Variants in SH3GL3 observed in about 807,000 individuals in gnomAD.
The protein encoded by SH3GL3 is endophilin-A3.
A neutral mutation model predicts 47.7 loss-of-function variants in SH3GL3; 33 were observed. The ratio of observed to expected loss-of-function variants is 0.69; its 90% CI spans 0.52 to 0.92. The LOEUF is 0.92. Among genes scored for constraint, SH3GL3 ranks in the 40% least tolerant of loss-of-function variants. The pLI is 0.00. For missense variants in SH3GL3, 363 were observed against 417.8 expected (o/e 0.87, Z 1.14); for synonymous variants, 155 against 148.8 (o/e 1.04, Z -0.30).
At chr15:83,524,540 G>C (rs1448900300) in intron 1 of SH3GL3, among the ~76,000 whole-genome samples, 1 of 152,036 alleles carries the variant, frequency 6.6e-6, no homozygotes, top group Non-Finnish European at 1.5e-5. Context: ...TTCTCTTCTA[G>C]CTATTTTGAA....
chr15:83,525,199 G>A (rs991385921), intron 1 of SH3GL3, among the ~76,000 whole-genome samples: 1 of 151,688 alleles, frequency 6.6e-6, no homozygotes, highest in Non-Finnish European at 1.5e-5. Flanking sequence ...ATAGCCATTC[G>A]AATTTGATAA....
chr15:83,522,083 C>T (rs548622970), intron 1 of SH3GL3, among the ~76,000 whole-genome samples: 1 of 152,156 alleles, frequency 6.6e-6, no homozygotes, highest in East Asian at 1.9e-4. Flanking sequence ...CAGCTGGAAA[C>T]GTGAGTCTGG....
chr15:83,507,653 G>C (rs1012652827), intron 1 of SH3GL3, among the ~76,000 whole-genome samples: 2 of 151,832 alleles, frequency 1.3e-5, no homozygotes. Flanking sequence ...GACCTCAGGT[G>C]ATCTGCCTGC....
the SH3GL3 span, among the ~76,000 whole-genome samples, chr15:83,625,550 C>T: frequency 5.9e-5 from 9 of 152,266 alleles, no homozygotes; most frequent in South Asian, 2.1e-4. Context: ...ATTTTCCTTT[C>T]GCTGTTGTGG....
chr15:83,484,534 T>G (rs975833260), intron 1 of SH3GL3, among the ~76,000 whole-genome samples: 1 of 149,580 alleles, frequency 6.7e-6, no homozygotes, highest in Admixed American at 6.7e-5. Context: ...GTAAAAATAG[T>G]TTTTTTTTTC....
At position 83,587,014 on chromosome 15, in the gene SH3GL3, T is replaced by C. The variant is rs142433645; in HGVS notation, c.656T>C (p.Ile219Thr). The C allele has an allele frequency of 1.9e-6, 3 of 1,610,262 alleles. No homozygotes were observed. The highest frequency in any genetic ancestry group is 3.4e-5 in the Admixed American group (2 of 59,688). Residue 219 changes from isoleucine (I) to threonine (T), a missense_variant, in exon 7 of 9, where the codon ATA becomes ACA. By Grantham distance (89) the Ile-to-Thr change is moderately conservative. Coordinates refer to ENST00000427482, the MANE Select transcript of SH3GL3 (RefSeq NM_003027.5). ...VEQVSQLAVF[I>T]EAALDYHRQS... is the part of the protein sequence containing the mutation. Reference sequence around the variant, plus strand: ...CAAGTCAGCCAGTTGGCTGTGTTCATAGAGGCAGCATTAGACTATCACAGA... The same window carrying C: ...CAAGTCAGCCAGTTGGCTGTGTTCACAGAGGCAGCATTAGACTATCACAGA...
At chr15:83,567,010 G>C (rs1239534167) in intron 3 of SH3GL3, among the ~76,000 whole-genome samples, 2 of 152,044 alleles carry the variant, frequency 1.3e-5, no homozygotes, top group African/African-American at 4.8e-5. Context: ...AATTATTAAA[G>C]TAGGAAAAAA....
intron 1 of SH3GL3, among the ~76,000 whole-genome samples, chr15:83,462,327 G>A (rs1314424377): frequency 6.6e-6 from 1 of 152,186 alleles, no homozygotes; most frequent in Non-Finnish European, 1.5e-5. Context: ...CACTTGACAG[G>A]ATAATGCCAT....
At chr15:83,612,261 G>C (rs7177330) in intron 8 of SH3GL3, among the ~76,000 whole-genome samples, 28,772 of 152,210 alleles carry the variant, frequency 0.19, 4,662 homozygotes, top group African/African-American at 0.44. Flanking sequence ...TAGATGTGAG[G>C]GGGGTTTACA....
chr15:83,559,548 A>C (rs1018103979), intron 2 of SH3GL3, among the ~76,000 whole-genome samples: 1 of 152,204 alleles, frequency 6.6e-6, no homozygotes, highest in African/African-American at 2.4e-5. Flanking sequence ...GATGTGGCTA[A>C]CTGGTACCCT....
chr15:83,597,365 A>G (rs571193964), intron 8 of SH3GL3, among the ~76,000 whole-genome samples: 1 of 152,276 alleles, frequency 6.6e-6, no homozygotes, highest in Admixed American at 6.5e-5. Context: ...TAACCTCCCC[A>G]TCTCAAAATC....
At chr15:83,592,389 G>A (rs1046799241) in intron 8 of SH3GL3, among the ~76,000 whole-genome samples, 23 of 152,058 alleles carry the variant, frequency 1.5e-4, no homozygotes, top group South Asian at 4.1e-4. Context: ...GCCTACTCAC[G>A]GATGAAAATG....
At chr15:83,466,156 T>G (rs997865385) in intron 1 of SH3GL3, among the ~76,000 whole-genome samples, 4 of 152,174 alleles carry the variant, frequency 2.6e-5, no homozygotes, top group Non-Finnish European at 4.4e-5. Flanking sequence ...TCTGAATGGC[T>G]TAAAGTGTCA....
At chr15:83,559,352 G>A (rs1290987359) in intron 2 of SH3GL3, 31 bp downstream of exon 2, 4 of 1,163,708 alleles carry the variant, frequency 3.4e-6, no homozygotes, top group Non-Finnish European at 5.2e-6. Context: ...AAATTGATTA[G>A]AAACTGACTT....
intron 1 of SH3GL3, among the ~76,000 whole-genome samples, chr15:83,548,341 A>C (rs1277131341): frequency 6.7e-6 from 1 of 150,124 alleles, no homozygotes; most frequent in African/African-American, 2.4e-5. Flanking sequence ...ATATATAATA[A>C]AAAATTATAT....
At chr15:83,628,303 G>A in the SH3GL3 span, among the ~76,000 whole-genome samples, 2 of 152,172 alleles carry the variant, frequency 1.3e-5, no homozygotes, top group Non-Finnish European at 2.9e-5. Context: ...TAACACTTCA[G>A]AGAAGACTCA....
At chr15:83,584,742 G>T (rs2059915549) in intron 6 of SH3GL3, among the ~76,000 whole-genome samples, 1 of 152,184 alleles carries the variant, frequency 6.6e-6, no homozygotes, top group Admixed American at 6.5e-5. Flanking sequence ...CATGGGTGAG[G>T]TCACACTTTG....
At chr15:83,515,020 C>G (rs770133745) in intron 1 of SH3GL3, among the ~76,000 whole-genome samples, 1 of 152,140 alleles carries the variant, frequency 6.6e-6, no homozygotes, top group Non-Finnish European at 1.5e-5. Context: ...GGCAAGGACA[C>G]GGATCCTCTC....
intron 2 of SH3GL3, among the ~76,000 whole-genome samples, chr15:83,561,041 A>G (rs1386044607): frequency 6.6e-6 from 1 of 152,164 alleles, no homozygotes; most frequent in Non-Finnish European, 1.5e-5. Flanking sequence ...ATAGAAGTAG[A>G]CTTCACATAC....
Sources: allele counts gnomAD v4.1 joint callset (sites outside exome capture counted in the v4.1 genomes callset), GRCh38; gene constraint gnomAD v4.1.1; transcripts MANE v1.5; gene names NCBI Gene and HGNC (gene_info 2026-07-23, HGNC 2026-07-21).